MAN1A2: variants seen among roughly 807,000 people sequenced by gnomAD.
MAN1A2 encodes the protein mannosyl-oligosaccharide 1,2-alpha-mannosidase IB.
Under a neutral mutation model 75.7 loss-of-function variants are expected in MAN1A2, and 26 were observed. That is an observed-to-expected ratio of 0.34 (90% confidence interval 0.25 to 0.48). MAN1A2 has a LOEUF of 0.48. MAN1A2 is among the 20% of genes least tolerant of loss of function. MAN1A2 has a pLI of 0.99. For missense variants in MAN1A2, 562 were observed against 775.5 expected (o/e 0.72, Z 3.27); for synonymous variants, 247 against 264.6 (o/e 0.93, Z 0.65).
intron 8 of MAN1A2, among the ~76,000 whole-genome samples, chr1:117,467,828 T>C (rs987774260): frequency 1.3e-5 from 2 of 152,078 alleles, no homozygotes; most frequent in African/African-American, 4.8e-5. Flanking sequence ...TAATAATGTA[T>C]ATGAAAAATT....
At chr1:117,485,213 A>G (rs1241546447) in intron 8 of MAN1A2, among the ~76,000 whole-genome samples, 1 of 151,938 alleles carries the variant, frequency 6.6e-6, no homozygotes, top group African/African-American at 2.4e-5. Context: ...AGGACAAACA[A>G]TGGGAGCAGA....
rs1001493463 is a variant in MAN1A2, at chr1:117,414,532, T to C, written c.656-181T>C. Among the ~76,000 whole-genome samples, 5 of 151,660 alleles carry C rather than the reference T, an allele frequency of 3.3e-5. 1 individual carries two copies. In the East Asian group the frequency reaches 9.6e-4, roughly 29 times the overall value. ...TCTAATATATACATATAATTTCTAA[T>C]GTAAAAGGGAACAATATTGGGTATT... is the stretch of plus-strand genomic sequence containing the variant. On this transcript the variant is annotated intron_variant, in intron 3 of 12. Coordinates refer to ENST00000356554, the MANE Select transcript of MAN1A2 (RefSeq NM_006699.5).
chr1:117,480,108 T>C (rs1304315255), intron 8 of MAN1A2, among the ~76,000 whole-genome samples: 3 of 151,912 alleles, frequency 2.0e-5, no homozygotes, highest in Admixed American at 1.3e-4. Flanking sequence ...GTTCTTTCCA[T>C]TGTCTCAGTT....
At chr1:117,382,310 T>C (rs1330030305) in intron 1 of MAN1A2, among the ~76,000 whole-genome samples, 1 of 152,202 alleles carries the variant, frequency 6.6e-6, no homozygotes, top group East Asian at 1.9e-4. Flanking sequence ...TTTTTATGGT[T>C]TTAGGTCTAA....
At chr1:117,469,640 C>T (rs1241479615) in intron 8 of MAN1A2, among the ~76,000 whole-genome samples, 1 of 152,056 alleles carries the variant, frequency 6.6e-6, no homozygotes, top group Non-Finnish European at 1.5e-5. Flanking sequence ...TACAACTCAA[C>T]AACAGAAGGC....
chr1:117,522,518 T>A (rs981738382), intron 12 of MAN1A2, among the ~76,000 whole-genome samples: 2 of 151,858 alleles, frequency 1.3e-5, no homozygotes, highest in Non-Finnish European at 2.9e-5. Context: ...AAACTGAATG[T>A]GTTGCTCTTA....
Position 117,421,199 on chromosome 1 carries a change from A to C in MAN1A2, c.855+550A>C, listed in dbSNP as rs189219517. Among the ~76,000 whole-genome samples, 375 of 152,188 alleles carry C rather than the reference A, an allele frequency of 2.5e-3. 1 individual carries two copies. The highest frequency in any genetic ancestry group is 7.9e-3 in the African/African-American group (327 of 41,558). ...TTTTACTATTGAAATAGGTTAAAGA[A>C]TGAGGTTGAAGAGTGGGAGAAAGAG... is the stretch of plus-strand genomic sequence containing the variant. On this transcript the variant is annotated intron_variant, in intron 5 of 12. Coordinates refer to ENST00000356554, the MANE Select transcript of MAN1A2 (RefSeq NM_006699.5).
chr1:117,415,740 T>A (rs1283604073), intron 4 of MAN1A2, among the ~76,000 whole-genome samples: 5 of 152,064 alleles, frequency 3.3e-5, no homozygotes. Context: ...TCATCAAGGA[T>A]CTAGGATCAT....
rs12076228 is a variant in MAN1A2 at position 117,522,721 on chromosome 1, C to T, written c.1794-104C>T. On this transcript the variant is annotated intron_variant, in intron 12 of 12. Coordinates refer to ENST00000356554, the MANE Select transcript of MAN1A2 (RefSeq NM_006699.5). ...ATTTCTTTGATGTTTTTCATCAAAGCTGCTCAAAATACGTTATTGGTTTTC... is the reference window on the plus strand; with the variant it reads ...ATTTCTTTGATGTTTTTCATCAAAGTTGCTCAAAATACGTTATTGGTTTTC... 924 of 948,858 alleles carry T rather than the reference C, an allele frequency of 9.7e-4. 8 individuals carry two copies. The African/African-American group carries it at 0.014, about 14-fold the overall frequency. The allele number at this position is 948,858 out of a possible 1,614,324, so 58.8% of individuals were successfully genotyped here.
intron 7 of MAN1A2, among the ~76,000 whole-genome samples, chr1:117,463,274 A>G (rs983192214): frequency 4.6e-5 from 7 of 152,116 alleles, no homozygotes; most frequent in African/African-American, 1.7e-4. Context: ...GGAATGAGAC[A>G]TAAGTCTGCT....
chr1:117,442,438 CTATA>C, intron 6 of MAN1A2, 113 bp downstream of exon 6: 1 of 642,052 alleles, frequency 1.6e-6, no homozygotes, highest in Non-Finnish European at 2.8e-6. Flanking sequence ...GTTTTTCTCT[CTATA>C]TATAATCTTT....
chr1:117,453,470 G>C (rs1433976677), intron 6 of MAN1A2, among the ~76,000 whole-genome samples: 1 of 152,144 alleles, frequency 6.6e-6, no homozygotes, highest in Non-Finnish European at 1.5e-5. Flanking sequence ...GATTTTGAAG[G>C]GTTCAAACTC....
intron 1 of MAN1A2, among the ~76,000 whole-genome samples, chr1:117,395,751 C>T (rs1457941955): frequency 6.6e-6 from 1 of 152,136 alleles, no homozygotes; most frequent in African/African-American, 2.4e-5. Context: ...GGAAGGTACT[C>T]AGCCAAACTG....
intron 3 of MAN1A2, among the ~76,000 whole-genome samples, chr1:117,407,779 A>G (rs1280623934): frequency 1.3e-5 from 2 of 152,116 alleles, no homozygotes; most frequent in Non-Finnish European, 2.9e-5. Flanking sequence ...TTTTTACTTT[A>G]TCTTTTCTGT....
At chr1:117,426,848 G>A (rs1043912996) in intron 5 of MAN1A2, among the ~76,000 whole-genome samples, 1 of 152,032 alleles carries the variant, frequency 6.6e-6, no homozygotes, top group Non-Finnish European at 1.5e-5. Flanking sequence ...TTATCTTATA[G>A]CTTGCATAGT....
At chr1:117,382,349 A>C (rs1261763361) in intron 1 of MAN1A2, among the ~76,000 whole-genome samples, 8 of 152,058 alleles carry the variant, frequency 5.3e-5, no homozygotes, top group Admixed American at 2.0e-4. Context: ...ATCTTGAATT[A>C]ATTTTTGTAT....
At chr1:117,378,744 C>T (rs1007615530) in intron 1 of MAN1A2, among the ~76,000 whole-genome samples, 1 of 152,056 alleles carries the variant, frequency 6.6e-6, no homozygotes, top group Non-Finnish European at 1.5e-5. Context: ...AACTCTTTTC[C>T]AACCTGCTGT....
At chr1:117,442,134 C>A in intron 5 of MAN1A2, 97 bp from the exon 6 acceptor site, 1 of 781,802 alleles carries the variant, frequency 1.3e-6, no homozygotes, top group East Asian at 2.5e-5. Flanking sequence ...CTCCCGTGTA[C>A]CCAGTACCTT....
In MAN1A2 at chr1:117,528,761, C is replaced by CA. The variant is rs1652094278; in HGVS notation, c.*5805dup. The CA allele has an allele frequency of 6.6e-6, 1 of 152,000 alleles. No individual in the cohort carries two copies. Among genetic ancestry groups the CA allele is most frequent in the African/African-American group, 2.4e-5 (1 of 41,388 alleles). 9.4% of individuals were successfully genotyped at this position (152,000 alleles called of 1,614,324 possible). ...AAGTATAATCTCCTAAATTGGTACC[C>CA]ACTGGCTGCTCCTAAACTGGTTTCC... On this transcript the variant is annotated 3_prime_UTR_variant, in exon 13 of 13. Transcript: ENST00000356554.
Sources: gnomAD v4.1 joint callset for allele counts (sites outside exome capture counted in the v4.1 genomes callset) on GRCh38, gnomAD v4.1.1 for gene constraint, MANE v1.5 for transcripts, NCBI Gene and HGNC (gene_info 2026-07-23, HGNC 2026-07-21) for gene names.